Variants in ASIC2 observed in about 807,000 individuals in gnomAD.
The protein encoded by ASIC2 is acid sensing ion channel subunit 2.
ASIC2 carries 25 observed loss-of-function variants against 57.3 expected under a neutral mutation model. That is an observed-to-expected ratio of 0.44 (90% CI 0.32 to 0.61). ASIC2 has a LOEUF of 0.61. ASIC2 is among the 20% of genes least tolerant of loss of function. The pLI, the probability that ASIC2 is intolerant of heterozygous loss-of-function variation, is 0.06. For missense variants in ASIC2, 641 were observed against 738.1 expected (o/e 0.87, Z 1.52); for synonymous variants, 319 against 307.5 (o/e 1.04, Z -0.39).
chr17:33,563,952 C>G (rs1265303930), intron 1 of ASIC2, among the ~76,000 whole-genome samples: 1 of 152,182 alleles, frequency 6.6e-6, no homozygotes, highest in Non-Finnish European at 1.5e-5. Flanking sequence ...GCATCTCTAA[C>G]TCTGGTACTC....
At chr17:34,026,459 T>C (rs533664045) in intron 1 of ASIC2, among the ~76,000 whole-genome samples, 1 of 152,286 alleles carries the variant, frequency 6.6e-6, no homozygotes, top group African/African-American at 2.4e-5. Context: ...TGAGTTTCAT[T>C]CCTAAAGTGA....
intron 1 of ASIC2, among the ~76,000 whole-genome samples, chr17:33,309,731 T>C (rs752850585): frequency 2.4e-4 from 37 of 152,094 alleles, no homozygotes; most frequent in Middle Eastern, 3.4e-3. Context: ...TAGACTTCTA[T>C]TGTGGTACAC....
At chr17:33,299,883 C>T (rs529317717) in intron 1 of ASIC2, among the ~76,000 whole-genome samples, 2 of 152,248 alleles carry the variant, frequency 1.3e-5, no homozygotes, top group African/African-American at 2.4e-5. Context: ...TAATTTAACC[C>T]TTTCACTTTC....
At chr17:33,236,485 A>C (rs1383993290) in intron 1 of ASIC2, among the ~76,000 whole-genome samples, 4 of 152,148 alleles carry the variant, frequency 2.6e-5, no homozygotes, top group African/African-American at 9.7e-5. Context: ...CTTAGACTAC[A>C]GGTGCACGCT....
At chr17:34,021,544 G>A (rs1350351502) in intron 1 of ASIC2, among the ~76,000 whole-genome samples, 2 of 152,276 alleles carry the variant, frequency 1.3e-5, no homozygotes, top group East Asian at 3.9e-4. Flanking sequence ...AGGTCTTTTG[G>A]AATCTACAGA....
chr17:33,730,362 G>C (rs952740119), intron 1 of ASIC2, among the ~76,000 whole-genome samples: 11 of 152,282 alleles, frequency 7.2e-5, no homozygotes, highest in Admixed American at 5.2e-4. Context: ...TCTCACTAAT[G>C]AGGACTAATT....
intron 1 of ASIC2, among the ~76,000 whole-genome samples, chr17:34,076,088 C>T (rs942267922): frequency 5.9e-5 from 9 of 151,864 alleles, no homozygotes; most frequent in Admixed American, 4.6e-4. Context: ...CTGCAAGCTC[C>T]GCCTCCCGGG....
chr17:33,701,240 C>T (rs959976717), intron 1 of ASIC2, among the ~76,000 whole-genome samples: 8 of 152,038 alleles, frequency 5.3e-5, no homozygotes, highest in East Asian at 1.9e-4. Context: ...GTGTGGTGGG[C>T]GGAGGGGGCA....
intron 1 of ASIC2, among the ~76,000 whole-genome samples, chr17:33,232,746 C>T (rs982923017): frequency 6.6e-6 from 1 of 152,118 alleles, no homozygotes; most frequent in African/African-American, 2.4e-5. Flanking sequence ...GACATTTTTT[C>T]AATTCAAATA....
intron 1 of ASIC2, among the ~76,000 whole-genome samples, chr17:33,219,491 C>T (rs1907617223): frequency 6.6e-6 from 1 of 152,214 alleles, no homozygotes; most frequent in African/African-American, 2.4e-5. Context: ...CTTCCAACAA[C>T]ACTATGACAG....
At chr17:34,016,593 G>C (rs1906990720) in intron 1 of ASIC2, among the ~76,000 whole-genome samples, 1 of 152,160 alleles carries the variant, frequency 6.6e-6, no homozygotes, top group Admixed American at 6.5e-5. Context: ...TAATACAGTT[G>C]CTATATATAA....
chr17:33,931,771 A>G (rs977477414), intron 1 of ASIC2, among the ~76,000 whole-genome samples: 2 of 152,198 alleles, frequency 1.3e-5, no homozygotes, highest in East Asian at 3.8e-4. Flanking sequence ...ATGAGCTAGA[A>G]GGGCCTTCTG....
intron 1 of ASIC2, among the ~76,000 whole-genome samples, chr17:33,429,774 T>G (rs1244050720): frequency 6.6e-6 from 1 of 152,096 alleles, no homozygotes; most frequent in Non-Finnish European, 1.5e-5. Flanking sequence ...AGAGAAACAG[T>G]AGGTATAATG....
intron 2 of ASIC2, among the ~76,000 whole-genome samples, chr17:33,090,041 C>T (rs1167480210): frequency 6.6e-6 from 1 of 152,156 alleles, no homozygotes; most frequent in African/African-American, 2.4e-5. Flanking sequence ...TTCCAAGGAC[C>T]CCAGGCTCCT....
At chr17:34,032,905 A>T (rs1187973557) in intron 1 of ASIC2, among the ~76,000 whole-genome samples, 2 of 152,208 alleles carry the variant, frequency 1.3e-5, no homozygotes, top group African/African-American at 4.8e-5. Flanking sequence ...ACTCCCACAC[A>T]ATAATAATGG....
intron 1 of ASIC2, among the ~76,000 whole-genome samples, chr17:33,579,614 C>T (rs754674208): frequency 3.5e-4 from 54 of 152,156 alleles, no homozygotes; most frequent in Middle Eastern, 3.2e-3. Flanking sequence ...GAGTTTGTTC[C>T]TTCAGGTGTT....
chr17:33,922,627 A>G (rs1449023152), intron 1 of ASIC2, among the ~76,000 whole-genome samples: 2 of 152,226 alleles, frequency 1.3e-5, no homozygotes, highest in African/African-American at 2.4e-5. Flanking sequence ...GCTCTATACT[A>G]TATGTTTTAC....
At chr17:33,592,666 A>C (rs1243754106) in intron 1 of ASIC2, among the ~76,000 whole-genome samples, 1 of 151,774 alleles carries the variant, frequency 6.6e-6, no homozygotes, top group Non-Finnish European at 1.5e-5. Context: ...ATAGGACTGG[A>C]CTGCGAGCAG....
At chr17:34,075,229 T>C (rs1909591137) in intron 1 of ASIC2, among the ~76,000 whole-genome samples, 1 of 152,132 alleles carries the variant, frequency 6.6e-6, no homozygotes, top group Non-Finnish European at 1.5e-5. Context: ...TGATTGAAAC[T>C]CAGGTGGCCT....
Sources: allele counts gnomAD v4.1 joint callset (sites outside exome capture counted in the v4.1 genomes callset), GRCh38; gene constraint gnomAD v4.1.1; transcripts MANE v1.5; gene names NCBI Gene and HGNC (gene_info 2026-07-23, HGNC 2026-07-21).